SNX13: variants seen among roughly 807,000 people sequenced by gnomAD.
SNX13 encodes the protein sorting nexin-13.
In SNX13, 45 loss-of-function variants were observed where a neutral mutation model predicts 133.6. That is an observed-to-expected ratio of 0.34 (90% CI 0.27 to 0.43). SNX13 has a LOEUF of 0.43. Among genes scored for constraint, SNX13 ranks in the 20% least tolerant of loss-of-function variants. The probability of loss-of-function intolerance (pLI) is 1.00; values close to 1 mark genes in which losing one functional copy is unlikely to be tolerated. For synonymous variants in SNX13, 414 were observed against 373.9 expected (o/e 1.11, Z -1.24); for missense variants, 1,032 against 1,145.1 (o/e 0.90, Z 1.43).
chr7:17,820,788 A>G (rs1180732696), intron 18 of SNX13, among the ~76,000 whole-genome samples: 3 of 152,140 alleles, frequency 2.0e-5, no homozygotes, highest in Non-Finnish European at 4.4e-5. Context: ...TTGTATACCT[A>G]AAATCCCTGA....
At chr7:17,843,801 A>G (rs1235908052) in intron 12 of SNX13, among the ~76,000 whole-genome samples, 2 of 152,020 alleles carry the variant, frequency 1.3e-5, no homozygotes, top group Non-Finnish European at 2.9e-5. Context: ...AAATCAAACA[A>G]CACACTTTTT....
chr7:17,853,770 C>T lies in SNX13; in HGVS notation c.838-2806G>A, dbSNP rs570915797. On this transcript the variant is annotated intron_variant, in intron 9 of 25. Transcript: ENST00000428135. ...CAGCCTGGCCAAAATGGTGAAACCC[C>T]GTCTCTACTAAAAATACAAAAATTA... 5.9e-5 allele frequency among the ~76,000 whole-genome samples: 9 copies of T among 152,004 alleles called. No homozygotes were observed. In the South Asian group the frequency reaches 8.3e-4, roughly 14 times the overall value.
intron 1 of SNX13, among the ~76,000 whole-genome samples, chr7:17,909,186 T>G (rs1798691524): frequency 6.6e-6 from 1 of 152,036 alleles, no homozygotes; most frequent in African/African-American, 2.4e-5. Context: ...TGCCGATTAT[T>G]AAAATGTCAA....
intron 1 of SNX13, among the ~76,000 whole-genome samples, chr7:17,921,322 A>T (rs1330888886): frequency 2.0e-5 from 3 of 152,158 alleles, no homozygotes; most frequent in African/African-American, 7.2e-5. Context: ...ACATTCAGTT[A>T]TCGATTCTCT....
Position 17,792,980 on chromosome 7 carries a change from TTA to T in SNX13, c.*1063_*1064del, listed in dbSNP as rs1452297052. 1 of 152,256 alleles carries T rather than the reference TTA, an allele frequency of 6.6e-6. No individual in the cohort carries two copies. Among genetic ancestry groups the T allele is most frequent in the Non-Finnish European group, 1.5e-5 (1 of 67,844 alleles). The allele number at this position is 152,256 out of a possible 1,614,324, so 9.4% of individuals were successfully genotyped here. On this transcript the variant is annotated 3_prime_UTR_variant, in exon 26 of 26. Coordinates refer to ENST00000428135, the MANE Select transcript of SNX13 (RefSeq NM_015132.5). ...AAATAAAAGCATATTTTTAAAAATA[TTA>T]TAGTTCTTTTTTCATCATTTATTTT...
At chr7:17,805,248 T>TGCGCGCGCGCGCGC (rs1401213640) in intron 20 of SNX13, among the ~76,000 whole-genome samples, 1 of 89,322 alleles carries the variant, frequency 1.1e-5, no homozygotes, top group Non-Finnish European at 2.6e-5. Context: ...TGTGTGTGTG[T>TGCGCGCGCGCGCGC]GTGCGTGCGC....
At chr7:17,875,095 T>C (rs774384580) in intron 7 of SNX13, among the ~76,000 whole-genome samples, 5 of 152,082 alleles carry the variant, frequency 3.3e-5, no homozygotes, top group Non-Finnish European at 7.4e-5. Context: ...CAGCCTTGAC[T>C]TCCCAGGCTC....
In SNX13 at chr7:17,873,407, C is replaced by A. The variant is rs930548991; in HGVS notation, c.753+121G>T. 92 of 455,466 alleles carry A rather than the reference C, an allele frequency of 2.0e-4. 1 individual carries two copies. In the East Asian group the frequency reaches 3.2e-3, roughly 16 times the overall value. 28.2% of individuals were successfully genotyped at this position (455,466 alleles called of 1,614,324 possible). A position where few individuals can be genotyped will look rare whatever the true frequency, so the allele number is the denominator to read the frequency against. On this transcript the variant is annotated intron_variant, in intron 8 of 25. Coordinates refer to ENST00000428135, the MANE Select transcript of SNX13 (RefSeq NM_015132.5). ...ATATTTTAAAGAAAACTCACATAAA[C>A]AAAAGCTCTTTGGAGTCTTCAATAA...
chr7:17,886,950 C>T (rs527277458), intron 5 of SNX13, among the ~76,000 whole-genome samples: 2 of 150,314 alleles, frequency 1.3e-5, no homozygotes, highest in South Asian at 2.1e-4. Context: ...TAATTTTGCC[C>T]TCTCCACCTC....
intron 1 of SNX13, among the ~76,000 whole-genome samples, chr7:17,928,889 AG>A (rs1170755502): frequency 1.3e-5 from 2 of 152,316 alleles, no homozygotes; most frequent in African/African-American, 2.4e-5. Context: ...AATTCAGATA[AG>A]GGGTATATGA....
intron 1 of SNX13, among the ~76,000 whole-genome samples, chr7:17,920,411 T>C (rs1177534920): frequency 6.6e-6 from 1 of 152,232 alleles, no homozygotes; most frequent in Non-Finnish European, 1.5e-5. Flanking sequence ...AGCAATTTCA[T>C]AGTTCTCTTG....
At chr7:17,837,725 T>G (rs1789313995) in intron 13 of SNX13, among the ~76,000 whole-genome samples, 1 of 152,044 alleles carries the variant, frequency 6.6e-6, no homozygotes, top group East Asian at 1.9e-4. Flanking sequence ...AAATGGTTTT[T>G]AAATAGACAG....
intron 5 of SNX13, among the ~76,000 whole-genome samples, chr7:17,876,568 T>C (rs1426710311): frequency 2.1e-5 from 2 of 96,402 alleles, no homozygotes; most frequent in Admixed American, 1.1e-4. Context: ...AACAGAGCTA[T>C]CTCATCAAAA....
At position 17,940,445 on chromosome 7, in the gene SNX13, T is replaced by G. The variant is rs530126858; in HGVS notation, c.-150A>C. The G allele has an allele frequency of 1.8e-5, 15 of 856,662 alleles. No homozygotes were observed. The African/African-American group carries it at 1.8e-4, about 10-fold the overall frequency. 53.1% of individuals were successfully genotyped at this position (856,662 alleles called of 1,614,324 possible). A position where few individuals can be genotyped will look rare whatever the true frequency, so the allele number is the denominator to read the frequency against. ...GCGGTTTTACTCGGCTTCGCTGGCCTCCCCTCGGCCCGGTCGCTCGCGACG... is the reference window on the plus strand; with the variant it reads ...GCGGTTTTACTCGGCTTCGCTGGCCGCCCCTCGGCCCGGTCGCTCGCGACG... On this transcript the variant is annotated 5_prime_UTR_variant, in exon 1 of 26. Transcript: ENST00000428135.
At chr7:17,907,204 A>G (rs551925648) in intron 1 of SNX13, 7 of 152,288 alleles carry the variant, frequency 4.6e-5, no homozygotes, top group African/African-American at 1.7e-4. Context: ...TACAGTCACT[A>G]AAGATGGGTC....
At chr7:17,870,749 G>T (rs139131535) in intron 8 of SNX13, among the ~76,000 whole-genome samples, 3 of 152,326 alleles carry the variant, frequency 2.0e-5, no homozygotes, top group African/African-American at 7.2e-5. Flanking sequence ...GATAAATACA[G>T]ATATAATCTC....
At chr7:17,829,772 AT>A (rs1189258182) in intron 16 of SNX13, among the ~76,000 whole-genome samples, 3 of 151,350 alleles carry the variant, frequency 2.0e-5, no homozygotes, top group Non-Finnish European at 4.4e-5. Flanking sequence ...CAGAAAAGCA[AT>A]TATGCAGGTA....
chr7:17,869,749 T>C (rs956942735), intron 8 of SNX13, among the ~76,000 whole-genome samples: 1 of 152,136 alleles, frequency 6.6e-6, no homozygotes, highest in African/African-American at 2.4e-5. Flanking sequence ...CTTTCAAGGT[T>C]AGTTTTAGTC....
chr7:17,919,304 C>G (rs552039893), intron 1 of SNX13, among the ~76,000 whole-genome samples: 112 of 152,216 alleles, frequency 7.4e-4, no homozygotes, highest in Non-Finnish European at 1.5e-3. Context: ...GCCATAAATA[C>G]TAAATAACCT....
Sources: gnomAD v4.1 joint callset for allele counts (sites outside exome capture counted in the v4.1 genomes callset) on GRCh38, gnomAD v4.1.1 for gene constraint, MANE v1.5 for transcripts, NCBI Gene and HGNC (gene_info 2026-07-23, HGNC 2026-07-21) for gene names.